Variants in MYO15A observed in about 807,000 individuals in gnomAD.
The protein encoded by MYO15A is myosin XVA.
Under a neutral mutation model 394.6 loss-of-function variants are expected in MYO15A, and 308 were observed. That is an observed-to-expected ratio of 0.78 (90% confidence interval 0.71 to 0.86). MYO15A has a LOEUF of 0.86. Ranked by LOEUF, MYO15A falls within the 40% of genes least tolerant of loss-of-function variation. MYO15A has a pLI of 0.00. For missense variants in MYO15A, 4,606 were observed against 4,799.1 expected, an observed-to-expected ratio of 0.96 and a Z score of 1.19; for synonymous variants, 1,957 against 2,003.8, an observed-to-expected ratio of 0.98 and a Z score of 0.62.
rs2046697899 is a variant in MYO15A, at chr17:18,157,580, T to A, written c.8789-142T>A. ...TTCTTTCCCTGAGCCTGTTTCCTCA[T>A]CTGTAAAATGGGTTTGATGGCCTGG... On this transcript the variant is annotated intron_variant, in intron 50 of 65. Coordinates refer to ENST00000647165, the MANE Select transcript of MYO15A (RefSeq NM_016239.4). 3 of 1,453,796 alleles carry A rather than the reference T, an allele frequency of 2.1e-6. No homozygotes were observed. The African/African-American group carries it at 4.3e-5, about 21-fold the overall frequency. The allele number at this position is 1,453,796 out of a possible 1,614,324, so 90.1% of individuals were successfully genotyped here.
Position 18,154,783 on chromosome 17 carries a change from A to G in MYO15A, c.8224+28A>G, listed in dbSNP as rs750674926. On this transcript the variant is annotated intron_variant, in intron 45 of 65. Coordinates refer to ENST00000647165, the MANE Select transcript of MYO15A (RefSeq NM_016239.4). ...ATCTCGGGGGAGAGGAGGGGTACTG[A>G]TGGGGCAACCAGTCAGAGGCACAGC... 11 of 1,609,402 alleles carry G rather than the reference A, an allele frequency of 6.8e-6. No individual in the cohort carries two copies. The East Asian group carries it at 2.2e-4, about 33-fold the overall frequency.
chr17:18,167,502 A>T, intron 61 of MYO15A, 88 bp from the exon 62 acceptor site: 2 of 1,587,804 alleles, frequency 1.3e-6, no homozygotes, highest in South Asian at 2.2e-5. Context: ...GGCTGCAATC[A>T]TTAAACATGC....
Position 18,172,206 on chromosome 17 carries a change from G to C in MYO15A, c.10266G>C (p.Gln3422His). ...PMFGSSFFFI[Q>H]SCSNIAVPAP... The stretch of plus-strand genomic sequence containing the variant: ...TCGGCTCCTCCTTCTTCTTCATCCA[G>C]AGCTGCAGCAACATTGCTGTGCCAG... Residue 3422 changes from glutamine (Q) to histidine (H), a missense_variant, in exon 64 of 66, where the codon CAG becomes CAC. By Grantham distance (24) the Gln-to-His change is conservative (BLOSUM62 0). This residue lies in a region of MYO15A where 2,776 missense variants were observed against 3,109.3 expected (regional missense o/e 0.89). Coordinates refer to ENST00000647165, the MANE Select transcript of MYO15A (RefSeq NM_016239.4). 6.2e-7 allele frequency: 1 copy of C among 1,614,182 alleles called. No individual in the cohort carries two copies. Among genetic ancestry groups the C allele is most frequent in the African/African-American group, 1.3e-5 (1 of 75,040 alleles).
In MYO15A at chr17:18,122,221, C is replaced by G; in HGVS notation, c.3421C>G (p.Pro1141Ala). ...GPATLKPQVQ[P>A]IQDPKPRACS... ...TGCAACCCTGAAGCCTCAAGTCCAG[C>G]CCATTCAGGACCCCAAGCCAAGAGC... The change falls in exon 2 of 66, where the codon CCC (proline) becomes GCC (alanine). Residue 1141 changes from proline (P) to alanine (A), a missense_variant. Physicochemically the swap from Pro to Ala is conservative, Grantham distance 27. Around this residue, in one of 2 missense-constraint regions of MYO15A, gnomAD observed 1,830 missense variants for 1,689.7 expected, o/e 1.08. Transcript: ENST00000647165. 1 of 1,613,204 alleles carries G rather than the reference C, an allele frequency of 6.2e-7. No individual in the cohort carries two copies. The highest frequency in any genetic ancestry group is 8.5e-7 in the Non-Finnish European group (1 of 1,180,018).
intron 58 of MYO15A, among the ~76,000 whole-genome samples, chr17:18,162,968 C>G (rs576747192): frequency 6.6e-6 from 1 of 152,194 alleles, no homozygotes; most frequent in Non-Finnish European, 1.5e-5. Flanking sequence ...CCACTGCATT[C>G]CAGCCTGGGT....
intron 5 of MYO15A, 145 bp downstream of exon 5, chr17:18,126,601 C>T: frequency 9.3e-7 from 1 of 1,073,684 alleles, no homozygotes; most frequent in Non-Finnish European, 1.4e-6. Flanking sequence ...AGTCTCTCCC[C>T]AGGCAGGGCC....
intron 65 of MYO15A, chr17:18,178,061 T>C (rs2047039297): frequency 6.4e-6 from 1 of 156,030 alleles, no homozygotes; most frequent in Non-Finnish European, 1.4e-5. Flanking sequence ...ATTGGATTCA[T>C]ATTTTTTAAA....
intron 62 of MYO15A, among the ~76,000 whole-genome samples, chr17:18,168,872 T>C (rs2046894633): frequency 6.6e-6 from 1 of 151,372 alleles, no homozygotes; most frequent in Non-Finnish European, 1.5e-5. Flanking sequence ...GAGGCCGAGA[T>C]GGGCGGATCA....
Position 18,121,239 on chromosome 17 carries a change from G to A in MYO15A, c.2439G>A (p.Pro813=), listed in dbSNP as rs2045922400. The change falls in exon 2 of 66, where the codon CCG becomes CCA. Residue 813 remains proline (P), a synonymous_variant. Transcript: ENST00000647165. The surrounding 1 kb of genome is among the most constrained non-coding windows in gnomAD (Gnocchi z 5.3). The part of the protein sequence containing the change: ...TGPFQPPFLP[P]ARRPRSLQES... ...CCTTCCAGCCGCCCTTCCTGCCCCC[G>A]GCCCGCCGGCCCCGCTCGCTGCAGG... 2 of 1,477,104 alleles carry A rather than the reference G, an allele frequency of 1.4e-6. No homozygotes were observed. Among genetic ancestry groups the A allele is most frequent in the Non-Finnish European group, 1.8e-6 (2 of 1,118,624 alleles). 91.5% of individuals were successfully genotyped at this position (1,477,104 alleles called of 1,614,324 possible). A position where few individuals can be genotyped will look rare whatever the true frequency, so the allele number is the denominator to read the frequency against.
chr17:18,153,663 A>C lies in MYO15A; in HGVS notation c.7967-112A>C. ...CAGTGGGCCGAGATTGCGCCACTGC[A>C]CTCTAGCCTGGGGGACAACAGCGAA... is the stretch of plus-strand genomic sequence containing the variant. On this transcript the variant is annotated intron_variant, in intron 42 of 65. Coordinates refer to ENST00000647165, the MANE Select transcript of MYO15A (RefSeq NM_016239.4). The surrounding 1 kb of genome is among the most constrained non-coding windows in gnomAD (Gnocchi z 4.1). The C allele has an allele frequency of 1.7e-6, 2 of 1,143,156 alleles. No individual in the cohort carries two copies. Among genetic ancestry groups the C allele is most frequent in the Non-Finnish European group, 2.3e-6 (2 of 887,442 alleles). The allele number at this position is 1,143,156 out of a possible 1,614,324, so 70.8% of individuals were successfully genotyped here.
At chr17:18,149,624 G>C in intron 35 of MYO15A, 44 bp downstream of exon 35, 1 of 1,580,720 alleles carries the variant, frequency 6.3e-7, no homozygotes, top group Non-Finnish European at 8.7e-7. Context: ...AGCAGGCACA[G>C]CATGTACACC....
At chr17:18,152,078 T>C (rs1172464771) in intron 41 of MYO15A, 34 bp from the exon 42 acceptor site, 1 of 1,550,564 alleles carries the variant, frequency 6.4e-7, no homozygotes, top group African/African-American at 1.4e-5. Flanking sequence ...GGCCTGCCTG[T>C]TGCCCCCTGA....
Position 18,149,528 on chromosome 17 carries a change from T to C in MYO15A, c.7160T>C (p.Leu2387Pro), listed in dbSNP as rs753886290. The change falls in exon 35 of 66, where the codon CTG (leucine) becomes CCG (proline). Residue 2387 changes from leucine (L) to proline (P), a missense_variant. By Grantham distance (98) the Leu-to-Pro change is moderately conservative. This residue lies in a region of MYO15A where 2,776 missense variants were observed against 3,109.3 expected (regional missense o/e 0.89). Coordinates refer to ENST00000647165, the MANE Select transcript of MYO15A (RefSeq NM_016239.4). ...GAGCCTGCTGTGCCCCACAAGGGGC[T>C]GGACTGCTACCTGGATAGCCTCTTT... The part of the protein sequence containing the change: ...LGEPAVPHKG[L>P]DCYLDSLFDP... 6.2e-7 allele frequency: 1 copy of C among 1,614,110 alleles called. No homozygotes were observed. The highest frequency in any genetic ancestry group is 1.3e-5 in the African/African-American group (1 of 74,932).
intron 53 of MYO15A, 81 bp downstream of exon 53, chr17:18,159,078 A>G (rs1215876950): frequency 1.1e-5 from 17 of 1,485,820 alleles, no homozygotes; most frequent in Non-Finnish European, 1.6e-5. Context: ...GGGCCAACAA[A>G]CTTGTTCTCA....
Position 18,136,118 on chromosome 17 carries a change from G to A in MYO15A, c.4596+294G>A, listed in dbSNP as rs537493058. ...AAGAAGCCTTCCCTAATCTTTGGAC[G>A]GGTCAGTGCCTCCTCTGGTCTTTCA... On this transcript the variant is annotated intron_variant, in intron 13 of 65. Coordinates refer to ENST00000647165, the MANE Select transcript of MYO15A (RefSeq NM_016239.4). Among the ~76,000 whole-genome samples, 8 of 152,254 alleles carry A rather than the reference G, an allele frequency of 5.3e-5. No individual in the cohort carries two copies. In the South Asian group the frequency reaches 1.0e-3, roughly 20 times the overall value.
Position 18,151,228 on chromosome 17 carries a change from G to A in MYO15A, c.7592G>A (p.Arg2531Lys). ...LAPAPLAKAP[R>K]LPIKPVAAPV... ...CCAGCCCCTCTGGCCAAGGCTCCAAGGCTCCCCATCAAGCCTGTGGCTGCC... is the reference window on the plus strand; with the variant it reads ...CCAGCCCCTCTGGCCAAGGCTCCAAAGCTCCCCATCAAGCCTGTGGCTGCC... Residue 2531 changes from arginine to lysine, a missense_variant, in exon 39 of 66, where the codon AGG becomes AAG. Arg to Lys is a conservative substitution (Grantham distance 26). Coordinates refer to ENST00000647165, the MANE Select transcript of MYO15A (RefSeq NM_016239.4). 11 of 1,614,044 alleles carry A rather than the reference G, an allele frequency of 6.8e-6. No individual in the cohort carries two copies. Among genetic ancestry groups the A allele is most frequent in the Non-Finnish European group, 9.3e-6 (11 of 1,180,020 alleles).
intron 51 of MYO15A, 175 bp from the exon 52 acceptor site, chr17:18,158,348 C>T: frequency 3.9e-6 from 2 of 509,026 alleles, no homozygotes; most frequent in Non-Finnish European, 6.7e-6. Context: ...AAGTAAAAGG[C>T]GTGGGCGGGC....
chr17:18,116,209 T>C (rs2045780986), intron 1 of MYO15A, among the ~76,000 whole-genome samples: 1 of 152,218 alleles, frequency 6.6e-6, no homozygotes, highest in South Asian at 2.1e-4. Flanking sequence ...TGGTGCCTGT[T>C]GGAGGCCCAG....
intron 45 of MYO15A, 33 bp downstream of exon 45, chr17:18,154,788 G>GCAA: frequency 6.2e-7 from 1 of 1,606,056 alleles, no homozygotes; most frequent in South Asian, 1.1e-5. Flanking sequence ...TACTGATGGG[G>GCAA]CAACCAGTCA....
Sources: gnomAD v4.1 joint callset for allele counts (sites outside exome capture counted in the v4.1 genomes callset) on GRCh38, gnomAD v4.1.1 for gene constraint, gnomAD v4.1.1 regional missense constraint, Gnocchi (gnomAD v3.1) non-coding constraint, MANE v1.5 for transcripts, NCBI Gene and HGNC (gene_info 2026-07-23, HGNC 2026-07-21) for gene names.